TTN: variants seen among roughly 807,000 people sequenced by gnomAD.
TTN encodes the protein connectin.
TTN carries 1,525 observed loss-of-function variants against 3,223.0 expected under a neutral mutation model. The ratio of observed to expected loss-of-function variants is 0.47; its 90% confidence interval spans 0.45 to 0.49. The LOEUF is 0.49. Among genes scored for constraint, TTN ranks in the 20% least tolerant of loss-of-function variants. TTN has a pLI of 0.00. For missense variants in TTN, 40,786 were observed against 43,424.0 expected (o/e 0.94, Z 5.40); for synonymous variants, 14,094 against 15,161.0 (o/e 0.93, Z 5.17).
chr2:178,712,347 T>C lies in TTN; in HGVS notation c.27575A>G (p.Lys9192Arg). 3 of 1,613,806 alleles carry C rather than the reference T, an allele frequency of 1.9e-6. No individual in the cohort carries two copies. Among genetic ancestry groups the C allele is most frequent in the Non-Finnish European group, 2.5e-6 (3 of 1,179,762 alleles). ...GAGTATTTGTGCTGAACAGGAATCT[T>C]TTCCAGAGGCATTTTCAATGTAGCA... ...YNCYIENASG[K>R]DSCSAQILIL... The change falls in exon 95 of 363, where the codon AAA becomes AGA. Residue 9192 changes from lysine (K) to arginine (R), a missense_variant. Physicochemically the swap from Lys to Arg is conservative, Grantham distance 26 (BLOSUM62 2). Coordinates refer to ENST00000589042, the MANE Select transcript of TTN (RefSeq NM_001267550.2).
rs771574378 is a variant in TTN, at chr2:178,663,687, C to G, written c.36472G>C (p.Val12158Leu). 30 of 1,603,474 alleles carry G rather than the reference C, an allele frequency of 1.9e-5. No homozygotes were observed. Among genetic ancestry groups the G allele is most frequent in the Admixed American group, 3.4e-5 (2 of 59,274 alleles). Residue 12158 changes from valine (V) to leucine (L), a missense_variant, in exon 171 of 363, where the codon GTT becomes CTT. Physicochemically the swap from Val to Leu is conservative, Grantham distance 32. Transcript: ENST00000589042. Reference sequence around the variant, plus strand: ...GCCACTGGCGCTTTCTTTTCAGGAACTACTTCTTTGGGAGGCTCTGGTACT... The same window carrying G: ...GCCACTGGCGCTTTCTTTTCAGGAAGTACTTCTTTGGGAGGCTCTGGTACT... ...VKVPEPPKEV[V>L]PEKKAPVAPP...
At position 178,576,058 on chromosome 2, in the gene TTN, T is replaced by C; in HGVS notation, c.70074A>G (p.Ala23358=). The part of the protein sequence containing the change: ...AELRRTLVVR[A]GLSIRIFVPI... Reference sequence around the variant, plus strand: ...GCACAAATATCCTAATACTGAGTCCTGCTCTAACAACAAGTGTTCTTCGAA... The same window carrying C: ...GCACAAATATCCTAATACTGAGTCCCGCTCTAACAACAAGTGTTCTTCGAA... Residue 23358 remains alanine, a synonymous_variant, in exon 326 of 363, where the codon GCA becomes GCG. Transcript: ENST00000589042. This position sits in a 1 kb window ranked among gnomAD's most constrained non-coding sequence, Gnocchi z 4.3. 6.2e-7 allele frequency: 1 copy of C among 1,613,580 alleles called. No individual in the cohort carries two copies.
Position 178,620,717 on chromosome 2 carries a change from TCTA to T in TTN, c.45890_45892del (p.Val15297del). The T allele has an allele frequency of 1.2e-6, 2 of 1,612,382 alleles. No homozygotes were observed. Among genetic ancestry groups the T allele is most frequent in the African/African-American group, 1.3e-5 (1 of 74,934 alleles). ...CTAGTGGTATATAAATTACTTACCTTCTACTATTAGATTGGCTGCACTTTTAAC... is the reference window on the plus strand; with the variant it reads ...CTAGTGGTATATAAATTACTTACCTTCTATTAGATTGGCTGCACTTTTAAC... On this transcript the variant is annotated inframe_deletion, in exon 247 of 363. Transcript: ENST00000589042.
Position 178,764,751 on chromosome 2 carries a change from G to C in TTN, c.9764C>G (p.Pro3255Arg), listed in dbSNP as rs2090051409. The change falls in exon 42 of 363, where the codon CCT becomes CGT. Residue 3255 changes from proline to arginine, a missense_variant. By Grantham distance (103) the Pro-to-Arg change is moderately radical (BLOSUM62 -2). Coordinates refer to ENST00000589042, the MANE Select transcript of TTN (RefSeq NM_001267550.2). Reference sequence around the variant, plus strand: ...GGATATCACGGCACAGAAGCGGGCAGGCTTGCCAGACTGCACAGTGACAGG... The same window carrying C: ...GGATATCACGGCACAGAAGCGGGCACGCTTGCCAGACTGCACAGTGACAGG... ...LQPVTVQSGK[P>R]ARFCAVISGR... The C allele has an allele frequency of 1.2e-6, 2 of 1,613,914 alleles. No homozygotes were observed. Among genetic ancestry groups the C allele is most frequent in the East Asian group, 2.2e-5 (1 of 44,892 alleles).
At chr2:178,651,809 C>A (rs1036434157) in intron 205 of TTN, 60 bp from the exon 206 acceptor site, 30 of 1,603,330 alleles carry the variant, frequency 1.9e-5, no homozygotes, top group Middle Eastern at 1.7e-4. Flanking sequence ...GACAAAAGCT[C>A]AGAGCACCCA....
Position 178,735,960 on chromosome 2 carries a change from T to G in TTN, c.14486A>C (p.Gln4829Pro), listed in dbSNP as rs375177753. The G allele has an allele frequency of 1.9e-4, 308 of 1,613,746 alleles. No individual in the cohort carries two copies. Among genetic ancestry groups the G allele is most frequent in the Non-Finnish European group, 2.5e-4 (293 of 1,179,816 alleles). The change falls in exon 50 of 363, where the codon CAG (glutamine) becomes CCG (proline). Residue 4829 changes from glutamine (Q) to proline (P), a missense_variant. By Grantham distance (76) the Gln-to-Pro change is moderately conservative. Transcript: ENST00000589042. The part of the protein sequence containing the change: ...TGTPVIETIW[Q>P]KDGAALSPSP... ...AGGTGAGAGTGCAGCACCATCTTTC[T>G]GCCAAATGGTTTCTATCACAGGAGT... is the stretch of plus-strand genomic sequence containing the variant.
rs1215669622 is a variant in TTN at position 178,576,613 on chromosome 2, C to T, written c.69631G>A (p.Glu23211Lys). ...CTGTTTTCTGCACTGACACGGAATTCGTAGGTGCTTCCTTCTTGCAGTCCT... is the reference window on the plus strand; with the variant it reads ...CTGTTTTCTGCACTGACACGGAATTTGTAGGTGCTTCCTTCTTGCAGTCCT... ...VTGLQEGSTYEFRVSAENRAG... is the reference protein window; with the variant it reads ...VTGLQEGSTYKFRVSAENRAG... The change falls in exon 325 of 363, where the codon GAA (glutamate) becomes AAA (lysine). Residue 23211 changes from glutamate (E) to lysine (K), a missense_variant. Coordinates refer to ENST00000589042, the MANE Select transcript of TTN (RefSeq NM_001267550.2). The surrounding 1 kb of genome is among the most constrained non-coding windows in gnomAD (Gnocchi z 4.3). 8.7e-6 allele frequency: 14 copies of T among 1,613,526 alleles called. No individual in the cohort carries two copies. The highest frequency in any genetic ancestry group is 1.7e-4 in the Middle Eastern group (1 of 6,058).
rs781624389 is a variant in TTN at position 178,712,683 on chromosome 2, G to A, written c.27328+14C>T. On this transcript the variant is annotated intron_variant, in intron 94 of 362. Transcript: ENST00000589042. ...TTACTAATCGTATAAATCTAGAAGA[G>A]CAGTCTGACAAACCTTTTATGTAGA... The A allele has an allele frequency of 8.8e-5, 142 of 1,609,824 alleles. No homozygotes were observed. The highest frequency in any genetic ancestry group is 1.2e-4 in the Non-Finnish European group (137 of 1,176,806).
In TTN at chr2:178,611,900, CT is replaced by C; in HGVS notation, c.50408del (p.Lys16803ArgfsTer11). The C allele has an allele frequency of 6.2e-7, 1 of 1,612,750 alleles. No homozygotes were observed. The highest frequency in any genetic ancestry group is 8.5e-7 in the Non-Finnish European group (1 of 1,179,240). On this transcript the variant is annotated frameshift_variant, in exon 268 of 363. Transcript: ENST00000589042. LOFTEE classifies it high-confidence loss of function. ...RLGTRWVKAG[K>X]TAGPDCNFRV... ...TGAAGTTACAGTCAGGTCCTGCAGT[CT>C]TTCCAGCTTTCACCCAACGGGTACC... is the stretch of plus-strand genomic sequence containing the variant.
At chr2:178,700,710 G>T (rs1248561374) in intron 111 of TTN, among the ~76,000 whole-genome samples, 1 of 152,128 alleles carries the variant, frequency 6.6e-6, no homozygotes, top group Non-Finnish European at 1.5e-5. Context: ...TTTAAGAGTA[G>T]TTAATACTAT....
intron 20 of TTN, among the ~76,000 whole-genome samples, chr2:178,781,889 T>C (rs1318247045): frequency 2.1e-5 from 3 of 142,666 alleles, no homozygotes; most frequent in Non-Finnish European, 4.5e-5. Flanking sequence ...GAAAATTGTC[T>C]CAAATCTTTT....
intron 38 of TTN, 46 bp downstream of exon 38, chr2:178,768,627 C>G (rs773467219): frequency 1.9e-6 from 3 of 1,612,916 alleles, no homozygotes; most frequent in Non-Finnish European, 2.5e-6. Context: ...TTTTATAAAG[C>G]ATGTATGACA....
In TTN at chr2:178,698,868, C is replaced by T; in HGVS notation, c.30729G>A (p.Lys10243=). 6.5e-7 allele frequency: 1 copy of T among 1,535,916 alleles called. No homozygotes were observed. Among genetic ancestry groups the T allele is most frequent in the Admixed American group, 2.0e-5 (1 of 49,634 alleles). Residue 10243 remains lysine, a synonymous_variant, in exon 112 of 363, where the codon AAG becomes AAA. Transcript: ENST00000589042. ...VKKDAKKVVA[K]PKEMTPREEI... is the part of the protein sequence containing the mutation. ...CTTCACGTGGTGTCATCTCTTTGGG[C>T]TTTGCAACAACTTTTTTGGCATCTT... is the stretch of plus-strand genomic sequence containing the variant.
At chr2:178,663,568 A>G in intron 171 of TTN, 52 bp from the exon 172 acceptor site, 2 of 1,613,764 alleles carry the variant, frequency 1.2e-6, no homozygotes, top group South Asian at 1.1e-5. Flanking sequence ...ACCACTAGAA[A>G]AATATTTTCC....
At position 178,545,669 on chromosome 2, in the gene TTN, G is replaced by C; in HGVS notation, c.95441C>G (p.Pro31814Arg). 1 of 1,613,366 alleles carries C rather than the reference G, an allele frequency of 6.2e-7. No individual in the cohort carries two copies. Among genetic ancestry groups the C allele is most frequent in the Non-Finnish European group, 8.5e-7 (1 of 1,179,458 alleles). The change falls in exon 344 of 363, where the codon CCT becomes CGT. Residue 31814 changes from proline (P) to arginine (R), a missense_variant. Transcript: ENST00000589042. Reference protein sequence around the residue: ...SFTIPSPPGIPEEVGTGKEHI... With the variant: ...SFTIPSPPGIREEVGTGKEHI... ...CTCTTTGCCAGTCCCAACTTCTTCA[G>C]GTATGCCGGGTGGTGATGGAATAGC...
rs1231169310 is a variant in TTN, at chr2:178,731,893, G to A, written c.16982C>T (p.Ala5661Val). 1.2e-6 allele frequency: 2 copies of A among 1,613,714 alleles called. No individual in the cohort carries two copies. The highest frequency in any genetic ancestry group is 2.2e-5 in the South Asian group (2 of 91,058). Reference sequence around the variant, plus strand: ...AGTGATCTCAAAGGGAGGAGTGCCTGCCACCTCAGCCAGCAACATGACATC... The same window carrying A: ...AGTGATCTCAAAGGGAGGAGTGCCTACCACCTCAGCCAGCAACATGACATC... ...EYDVMLLAEVAGTPPFEITWF... is the reference protein window; with the variant it reads ...EYDVMLLAEVVGTPPFEITWF... The change falls in exon 58 of 363, where the codon GCA (alanine) becomes GTA (valine). Residue 5661 changes from alanine to valine, a missense_variant. Transcript: ENST00000589042.
At chr2:178,537,996 AT>A in intron 354 of TTN, 79 bp from the exon 355 acceptor site, 2 of 1,208,788 alleles carry the variant, frequency 1.7e-6, no homozygotes, top group Non-Finnish European at 2.3e-6. Flanking sequence ...TCAGGAATGA[AT>A]TTACCTTATT....
chr2:178,700,937 T>G (rs2074850738), intron 111 of TTN, among the ~76,000 whole-genome samples, 183 bp downstream of exon 111: 1 of 152,238 alleles, frequency 6.6e-6, no homozygotes, highest in African/African-American at 2.4e-5. Flanking sequence ...TTGATGATTT[T>G]CAGAGTTTTA....
At position 178,534,269 on chromosome 2, in the gene TTN, C is replaced by T; in HGVS notation, c.102346G>A (p.Ala34116Thr). ...CTCACTCCCTTCTGAGATCGAATTG[C>T]ACCACCACAGGAGATCCGGGCTGCT... Reference protein sequence around the residue: ...VSAARISCGGAIRSQKGVSVA... With the variant: ...VSAARISCGGTIRSQKGVSVA... Residue 34116 changes from alanine to threonine, a missense_variant, in exon 358 of 363, where the codon GCA (alanine) becomes ACA (threonine). Transcript: ENST00000589042. The T allele has an allele frequency of 1.2e-6, 2 of 1,613,944 alleles. No individual in the cohort carries two copies. Among genetic ancestry groups the T allele is most frequent in the East Asian group, 2.2e-5 (1 of 44,882 alleles).
Sources: allele counts gnomAD v4.1 joint callset (sites outside exome capture counted in the v4.1 genomes callset), GRCh38; gene constraint gnomAD v4.1.1; non-coding constraint Gnocchi (gnomAD v3.1); transcripts MANE v1.5; gene names NCBI Gene and HGNC (gene_info 2026-07-23, HGNC 2026-07-21).